SENP5: variants seen among roughly 807,000 people sequenced by gnomAD.
SENP5 encodes the protein sentrin-specific protease 5.
SENP5 carries 21 observed loss-of-function variants against 74.2 expected under a neutral mutation model. That is an observed-to-expected ratio of 0.28 (90% CI 0.20 to 0.41). SENP5 has a LOEUF of 0.41. Ranked by LOEUF, SENP5 falls within the 10% of genes least tolerant of loss-of-function variation. The probability of loss-of-function intolerance (pLI) is 1.00; values close to 1 mark genes in which losing one functional copy is unlikely to be tolerated. For missense variants in SENP5, 717 were observed against 889.1 expected (o/e 0.81, Z 2.46); for synonymous variants, 311 against 312.7 (o/e 0.99, Z 0.06).
At chr3:196,897,468 C>T (rs939999557) in intron 2 of SENP5, among the ~76,000 whole-genome samples, 1 of 152,214 alleles carries the variant, frequency 6.6e-6, no homozygotes, top group African/African-American at 2.4e-5. Context: ...GAAAGGACCT[C>T]TTTTCTGTTT....
At chr3:196,906,152 G>A (rs1470525269) in intron 6 of SENP5, among the ~76,000 whole-genome samples, 3 of 152,074 alleles carry the variant, frequency 2.0e-5, no homozygotes, top group African/African-American at 4.8e-5. Flanking sequence ...CCCAGGAGGT[G>A]GAGGTTGCTG....
At chr3:196,905,548 A>G (rs1452937785) in intron 6 of SENP5, among the ~76,000 whole-genome samples, 1 of 152,218 alleles carries the variant, frequency 6.6e-6, no homozygotes, top group African/African-American at 2.4e-5. Flanking sequence ...AGCGGTTCAC[A>G]GAATTCTGGG....
chr3:196,900,561 T>C (rs918754005), intron 5 of SENP5, 149 bp downstream of exon 5: 7 of 572,768 alleles, frequency 1.2e-5, no homozygotes, highest in African/African-American at 1.9e-5. Flanking sequence ...TGTACTGGGC[T>C]TGATCGTAAG....
Position 196,886,298 on chromosome 3 carries a change from C to A in SENP5, c.1117C>A (p.His373Asn). The A allele has an allele frequency of 6.2e-7, 1 of 1,614,106 alleles. No homozygotes were observed. Among genetic ancestry groups the A allele is most frequent in the Non-Finnish European group, 8.5e-7 (1 of 1,180,012 alleles). The change falls in exon 2 of 10, where the codon CAT becomes AAT. Residue 373 changes from histidine (H) to asparagine (N), a missense_variant. This residue lies in a region of SENP5 where 567 missense variants were observed against 577.4 expected (regional missense o/e 0.98). Transcript: ENST00000323460. ...SPKWECTELIHDIPLPEHRSN... is the reference protein window; with the variant it reads ...SPKWECTELINDIPLPEHRSN... ...TAAGTGGGAGTGTACAGAGCTGATT[C>A]ATGACATCCCCTTACCAGAACATCG...
chr3:196,889,531 G>C (rs1013221012), intron 2 of SENP5, among the ~76,000 whole-genome samples: 12 of 152,046 alleles, frequency 7.9e-5, no homozygotes, highest in African/African-American at 2.9e-4. Flanking sequence ...GTTTCCTTTT[G>C]GGTTTAAATC....
chr3:196,898,555 A>C (rs1714549966), intron 2 of SENP5, among the ~76,000 whole-genome samples: 1 of 151,886 alleles, frequency 6.6e-6, no homozygotes. Context: ...TGATTGTGTT[A>C]CTATGCCCCA....
rs1022084924 is a variant in SENP5 at position 196,932,888 on chromosome 3, G to A, written c.*1965G>A. ...ATGCAGAAGAGACAGAATTGTTCCTGTAAGAAAATCAACGCCGAGAGAGAG... is the reference window on the plus strand; with the variant it reads ...ATGCAGAAGAGACAGAATTGTTCCTATAAGAAAATCAACGCCGAGAGAGAG... On this transcript the variant is annotated 3_prime_UTR_variant, in exon 10 of 10. Transcript: ENST00000323460. 1.3e-5 allele frequency: 2 copies of A among 151,628 alleles called. No homozygotes were observed. Among genetic ancestry groups the A allele is most frequent in the African/African-American group, 2.4e-5 (1 of 41,244 alleles). 9.4% of individuals were successfully genotyped at this position (151,628 alleles called of 1,614,324 possible). A position where few individuals can be genotyped will look rare whatever the true frequency, so the allele number is the denominator to read the frequency against.
At chr3:196,918,507 A>G (rs1715479178) in intron 6 of SENP5, among the ~76,000 whole-genome samples, 1 of 151,898 alleles carries the variant, frequency 6.6e-6, no homozygotes, top group Non-Finnish European at 1.5e-5. Context: ...CTCAAAACAA[A>G]AAATCTACAA....
intron 1 of SENP5, among the ~76,000 whole-genome samples, chr3:196,878,495 A>G (rs2108809213): frequency 6.6e-6 from 1 of 152,300 alleles, no homozygotes; most frequent in South Asian, 2.1e-4. Context: ...AGTTCTCAGA[A>G]TCTTGCCCCT....
At chr3:196,873,069 CTTTTT>C (rs572160747) in intron 1 of SENP5, among the ~76,000 whole-genome samples, 21 of 108,334 alleles carry the variant, frequency 1.9e-4, no homozygotes, top group African/African-American at 2.3e-4. Flanking sequence ...TGAGATTTAA[CTTTTT>C]TTTTTTTTTT....
At chr3:196,868,381 C>T (rs1713028856) in intron 1 of SENP5, among the ~76,000 whole-genome samples, 1 of 152,252 alleles carries the variant, frequency 6.6e-6, no homozygotes. Flanking sequence ...GAGGAGGAGC[C>T]GCTGTCACAG....
intron 1 of SENP5, among the ~76,000 whole-genome samples, chr3:196,871,768 T>A (rs1464099855): frequency 6.7e-6 from 1 of 150,312 alleles, no homozygotes; most frequent in Non-Finnish European, 1.5e-5. Flanking sequence ...GGCAGGAGAA[T>A]CTCTTGAACC....
intron 2 of SENP5, among the ~76,000 whole-genome samples, chr3:196,891,401 C>G (rs1714193905): frequency 6.6e-6 from 1 of 152,050 alleles, no homozygotes. Flanking sequence ...TATTAAAAAA[C>G]AGTGAATTGT....
At chr3:196,882,950 A>T (rs191717088) in intron 1 of SENP5, among the ~76,000 whole-genome samples, 10 of 140,586 alleles carry the variant, frequency 7.1e-5, no homozygotes, top group Admixed American at 1.5e-4. Flanking sequence ...TTTTTGGTGG[A>T]CTAGTTATAG....
At chr3:196,914,586 A>AAAAAAAAAAAAAAATATATATAT in intron 6 of SENP5, 12 of 33,486 alleles carry the variant, frequency 3.6e-4, no homozygotes, top group Non-Finnish European at 5.6e-4. Context: ...AAAAAAAAAA[A>AAAAAAAAAAAAAAATATATATAT]ATATATATAT....
rs1229595705 is a variant in SENP5, at chr3:196,886,081, T to C, written c.900T>C (p.Ser300=). 2 of 1,614,236 alleles carry C rather than the reference T, an allele frequency of 1.2e-6. No homozygotes were observed. ...CTTCCCCAGAACCTAAAGACCCTTC[T>C]TGTCGGCATCAGCCGTACTTTCCAG... is the stretch of plus-strand genomic sequence containing the variant. ...PFPSPEPKDP[S]CRHQPYFPDM... The change falls in exon 2 of 10, where the codon TCT becomes TCC. Residue 300 remains serine, a synonymous_variant. Transcript: ENST00000323460.
At chr3:196,882,200 CCT>C in intron 1 of SENP5, among the ~76,000 whole-genome samples, 1 of 151,780 alleles carries the variant, frequency 6.6e-6, no homozygotes, top group South Asian at 2.1e-4. Flanking sequence ...CACTCAGCCC[CCT>C]CTTTTTTTTT....
chr3:196,888,836 G>A (rs1201143195), intron 2 of SENP5, among the ~76,000 whole-genome samples: 1 of 152,004 alleles, frequency 6.6e-6, no homozygotes, highest in Non-Finnish European at 1.5e-5. Flanking sequence ...AATTCTTCTG[G>A]CTGGGCACGG....
intron 4 of SENP5, 113 bp downstream of exon 4, chr3:196,900,175 T>C (rs1714639950): frequency 1.5e-6 from 2 of 1,373,274 alleles, no homozygotes; most frequent in Non-Finnish European, 2.0e-6. Flanking sequence ...TTCTTCATTC[T>C]TTACTGGTTA....
Sources: allele counts gnomAD v4.1 joint callset (sites outside exome capture counted in the v4.1 genomes callset), GRCh38; gene constraint gnomAD v4.1.1; regional missense constraint gnomAD v4.1.1; transcripts MANE v1.5; gene names NCBI Gene and HGNC (gene_info 2026-07-23, HGNC 2026-07-21).